PDE4D: variants seen among roughly 807,000 people sequenced by gnomAD.
PDE4D encodes phosphodiesterase 4D.
Under a neutral mutation model 87.4 loss-of-function variants are expected in PDE4D, and 24 were observed. That is an observed-to-expected ratio of 0.27 (90% CI 0.20 to 0.39). PDE4D has a LOEUF of 0.39. PDE4D is among the 10% of genes least tolerant of loss of function. PDE4D has a pLI of 1.00. For synonymous variants in PDE4D, 384 were observed against 383.2 expected, an observed-to-expected ratio of 1.00 and a Z score of -0.02; for missense variants, 714 against 1,041.0, an observed-to-expected ratio of 0.69 and a Z score of 4.32.
At chr5:59,517,994 G>A (rs527347620) in intron 1 of PDE4D, among the ~76,000 whole-genome samples, 17 of 152,200 alleles carry the variant, frequency 1.1e-4, no homozygotes, top group Non-Finnish European at 2.1e-4. Flanking sequence ...TTAATTATTT[G>A]TTGTTGCTGA....
intron 1 of PDE4D, among the ~76,000 whole-genome samples, chr5:59,274,067 T>G (rs1298009029): frequency 6.6e-6 from 1 of 152,134 alleles, no homozygotes; most frequent in Non-Finnish European, 1.5e-5. Context: ...CTCATGTTGG[T>G]GATTTATATT....
chr5:59,509,854 T>C (rs1290319556), intron 1 of PDE4D, among the ~76,000 whole-genome samples: 1 of 147,614 alleles, frequency 6.8e-6, no homozygotes, highest in Non-Finnish European at 1.5e-5. Flanking sequence ...AATTTTATAT[T>C]AAGTTATAAA....
intron 1 of PDE4D, among the ~76,000 whole-genome samples, chr5:60,439,106 G>T (rs951559533): frequency 6.6e-6 from 1 of 151,964 alleles, no homozygotes; most frequent in Non-Finnish European, 1.5e-5. Flanking sequence ...ATGCGTCCCC[G>T]ATACAATATT....
chr5:60,166,066 T>C lies in PDE4D; in HGVS notation c.42+19491A>G, dbSNP rs778082637. Among the ~76,000 whole-genome samples, 18 of 152,294 alleles carry C rather than the reference T, an allele frequency of 1.2e-4. No individual in the cohort carries two copies. In the Middle Eastern group the frequency reaches 0.01, roughly 86 times the overall value. ...ATAGGGTCTTCCTTTGTAGTTACCA[T>C]GAGGCTTATAAAAAACACTTTATAA... On this transcript the variant is annotated intron_variant, in intron 2 of 16. Coordinates refer to the PDE4D transcript ENST00000502484.
At chr5:59,251,011 A>G (rs1759833520) in intron 1 of PDE4D, among the ~76,000 whole-genome samples, 1 of 152,140 alleles carries the variant, frequency 6.6e-6, no homozygotes, top group South Asian at 2.1e-4. Context: ...TCCTTTCACC[A>G]TACACACAAA....
intron 1 of PDE4D, among the ~76,000 whole-genome samples, chr5:59,347,440 G>T (rs761824853): frequency 6.6e-6 from 1 of 151,874 alleles, no homozygotes; most frequent in Non-Finnish European, 1.5e-5. Context: ...TTTAATGCAA[G>T]ATTTAAAATT....
intron 2 of PDE4D, among the ~76,000 whole-genome samples, chr5:60,011,011 C>T (rs906716292): frequency 6.6e-6 from 1 of 152,146 alleles, no homozygotes. Flanking sequence ...TCAACCTGCA[C>T]TGTTTCTCAG....
At chr5:59,828,556 CA>C (rs1770599222) in intron 1 of PDE4D, among the ~76,000 whole-genome samples, 1 of 152,058 alleles carries the variant, frequency 6.6e-6, no homozygotes, top group Non-Finnish European at 1.5e-5. Context: ...GAGTCTGCTG[CA>C]GGGCATTGTT....
chr5:59,590,435 C>A (rs1325390298), intron 1 of PDE4D, among the ~76,000 whole-genome samples: 1 of 152,096 alleles, frequency 6.6e-6, no homozygotes, highest in Non-Finnish European at 1.5e-5. Flanking sequence ...GTCCTAGCTA[C>A]TTGGAAGGCT....
At chr5:60,172,162 A>G (rs1030398094) in intron 2 of PDE4D, among the ~76,000 whole-genome samples, 1 of 147,922 alleles carries the variant, frequency 6.8e-6, no homozygotes, top group Non-Finnish European at 1.5e-5. Context: ...ACATGTTGGC[A>G]TTTGGTGAGG....
chr5:60,318,172 A>G (rs1367694209), intron 1 of PDE4D, among the ~76,000 whole-genome samples: 1 of 152,168 alleles, frequency 6.6e-6, no homozygotes, highest in African/African-American at 2.4e-5. Flanking sequence ...GTACTCCTGT[A>G]TTAGGTGCAT....
intron 1 of PDE4D, among the ~76,000 whole-genome samples, chr5:60,449,174 T>G (rs1355209087): frequency 6.6e-6 from 1 of 151,464 alleles, no homozygotes; most frequent in African/African-American, 2.4e-5. Flanking sequence ...AGATCCCATT[T>G]TTAAAGATCA....
intron 1 of PDE4D, among the ~76,000 whole-genome samples, chr5:59,863,933 A>G (rs1746649432): frequency 6.6e-6 from 1 of 152,184 alleles, no homozygotes; most frequent in African/African-American, 2.4e-5. Flanking sequence ...ATGCAGCTTC[A>G]AAACCCTGAC....
At chr5:59,265,980 C>A (rs1160073235) in intron 1 of PDE4D, among the ~76,000 whole-genome samples, 1 of 152,028 alleles carries the variant, frequency 6.6e-6, no homozygotes, top group Non-Finnish European at 1.5e-5. Context: ...AGCTATATGA[C>A]ATAAGTTTAG....
chr5:59,974,498 A>T (rs1761101744), intron 3 of PDE4D, among the ~76,000 whole-genome samples: 1 of 152,164 alleles, frequency 6.6e-6, no homozygotes, highest in Non-Finnish European at 1.5e-5. Flanking sequence ...GAAGTACTGA[A>T]ACACCAGAAG....
At chr5:59,122,627 C>G (rs992739485) in intron 5 of PDE4D, among the ~76,000 whole-genome samples, 5 of 152,200 alleles carry the variant, frequency 3.3e-5, no homozygotes, top group African/African-American at 9.7e-5. Flanking sequence ...TGTAACAAAA[C>G]ATCACATGAA....
At chr5:60,416,155 T>C (rs1742525653) in intron 1 of PDE4D, among the ~76,000 whole-genome samples, 1 of 152,194 alleles carries the variant, frequency 6.6e-6, no homozygotes, top group African/African-American at 2.4e-5. Context: ...CTTTTGTGTC[T>C]AGCTCAAGGA....
intron 1 of PDE4D, among the ~76,000 whole-genome samples, chr5:59,665,727 T>C (rs1199364013): frequency 2.0e-5 from 3 of 152,134 alleles, no homozygotes; most frequent in Non-Finnish European, 4.4e-5. Flanking sequence ...GGGAGGTAAT[T>C]AGGTCATTAG....
intron 5 of PDE4D, among the ~76,000 whole-genome samples, chr5:59,153,761 T>G (rs34130701): frequency 0.42 from 64,270 of 151,228 alleles, 14,122 homozygotes; most frequent in South Asian, 0.51. Flanking sequence ...GGTTTTTTTT[T>G]TTGTTGTTGT....
Sources: gnomAD v4.1 joint callset for allele counts (sites outside exome capture counted in the v4.1 genomes callset) on GRCh38, gnomAD v4.1.1 for gene constraint, MANE v1.5 for transcripts, NCBI Gene and HGNC (gene_info 2026-07-23, HGNC 2026-07-21) for gene names.